The following CPA6 variants were observed in gnomAD, a reference collection of about 807,000 sequenced individuals.
CPA6 encodes carboxypeptidase A6.
CPA6 carries 58 observed loss-of-function variants against 63.3 expected under a neutral mutation model. The ratio of observed to expected loss-of-function variants is 0.92; its 90% CI spans 0.74 to 1.14. The LOEUF (loss-of-function observed/expected upper bound fraction) is 1.14. CPA6 is among the 50% of genes most tolerant of loss of function. The pLI is 0.00. For synonymous variants in CPA6, 185 were observed against 179.0 expected (o/e 1.03, Z -0.27); for missense variants, 565 against 526.6 (o/e 1.07, Z -0.71).
chr8:67,521,953 A>G (rs991224625), intron 2 of CPA6, among the ~76,000 whole-genome samples: 4 of 152,114 alleles, frequency 2.6e-5, no homozygotes, highest in Admixed American at 2.6e-4. Flanking sequence ...GATGATAATT[A>G]TATCTTCCTT....
intron 2 of CPA6, among the ~76,000 whole-genome samples, chr8:67,559,715 T>C (rs573534180): frequency 2.0e-5 from 3 of 152,190 alleles, no homozygotes; most frequent in African/African-American, 7.2e-5. Context: ...GTATAAAACC[T>C]TTCCATATCA....
At chr8:67,428,837 G>A (rs759711472) in intron 9 of CPA6, among the ~76,000 whole-genome samples, 6 of 152,070 alleles carry the variant, frequency 3.9e-5, no homozygotes, top group East Asian at 3.8e-4. Context: ...GGACCATGTC[G>A]GTCTCAGTCA....
At position 67,463,806 on chromosome 8, in the gene CPA6, A is replaced by G. The variant is rs559058542; in HGVS notation, c.838+19962T>C. Among the ~76,000 whole-genome samples the G allele has an allele frequency of 1.1e-4, 16 of 152,328 alleles. No homozygotes were observed. The South Asian group carries it at 1.2e-3, about 12-fold the overall frequency. On this transcript the variant is annotated intron_variant, in intron 8 of 10. Coordinates refer to ENST00000297770, the MANE Select transcript of CPA6 (RefSeq NM_020361.5). ...TTTCTGTTCCTGCATTAATTTGCTT[A>G]GGATAATGGCCTCCAACCTAATCCA...
At chr8:67,436,500 A>C (rs1810159756) in intron 8 of CPA6, among the ~76,000 whole-genome samples, 2 of 152,134 alleles carry the variant, frequency 1.3e-5, no homozygotes, top group South Asian at 4.1e-4. Context: ...ACAAATATTG[A>C]TATAGCAAGA....
intron 1 of CPA6, among the ~76,000 whole-genome samples, chr8:67,713,141 T>TA (rs1817308016): frequency 8.7e-5 from 6 of 68,902 alleles, no homozygotes; most frequent in South Asian, 6.2e-4. Flanking sequence ...ATATATATAT[T>TA]AACAGGGTTC....
At chr8:67,480,030 G>A (rs1251093800) in intron 8 of CPA6, among the ~76,000 whole-genome samples, 5 of 151,708 alleles carry the variant, frequency 3.3e-5, no homozygotes, top group African/African-American at 1.2e-4. Flanking sequence ...ATATAGAGAG[G>A]GGCACATGTG....
At chr8:67,706,159 T>A (rs2128999505) in intron 1 of CPA6, among the ~76,000 whole-genome samples, 1 of 152,330 alleles carries the variant, frequency 6.6e-6, no homozygotes, top group Admixed American at 6.5e-5. Context: ...TTATTAGGCC[T>A]ACTAAATGCT....
chr8:67,742,887 AATTT>A (rs906456569), intron 1 of CPA6, among the ~76,000 whole-genome samples: 3 of 152,024 alleles, frequency 2.0e-5, no homozygotes, highest in African/African-American at 7.3e-5. Context: ...ATTTTGCCAG[AATTT>A]ATTGTTACTG....
chr8:67,616,103 C>T (rs536481441), intron 2 of CPA6, among the ~76,000 whole-genome samples: 2 of 152,294 alleles, frequency 1.3e-5, no homozygotes, highest in South Asian at 4.1e-4. Context: ...TTGGCTACAT[C>T]CATAATCCCC....
intron 1 of CPA6, among the ~76,000 whole-genome samples, chr8:67,733,310 G>A (rs1234643748): frequency 4.0e-5 from 6 of 151,766 alleles, no homozygotes; most frequent in Admixed American, 2.0e-4. Context: ...TTGGGAGGGG[G>A]AGGTGGCCTG....
At chr8:67,443,983 C>T (rs2128954349) in intron 8 of CPA6, among the ~76,000 whole-genome samples, 1 of 150,006 alleles carries the variant, frequency 6.7e-6, no homozygotes, top group African/African-American at 2.5e-5. Context: ...CCAACTTAGA[C>T]ATCCGTAGTT....
intron 6 of CPA6, among the ~76,000 whole-genome samples, chr8:67,500,249 A>T (rs1396479998): frequency 6.6e-6 from 1 of 152,128 alleles, no homozygotes; most frequent in Admixed American, 6.5e-5. Context: ...AGCCACTCAG[A>T]TAGGTGTGCA....
At chr8:67,471,708 T>TAG (rs1811063181) in intron 8 of CPA6, among the ~76,000 whole-genome samples, 1 of 152,222 alleles carries the variant, frequency 6.6e-6, no homozygotes, top group Admixed American at 6.5e-5. Flanking sequence ...AAGAATATCA[T>TAG]CATTTACCTA....
intron 1 of CPA6, among the ~76,000 whole-genome samples, chr8:67,668,931 T>G (rs1431729426): frequency 6.6e-6 from 1 of 152,064 alleles, no homozygotes; most frequent in African/African-American, 2.4e-5. Context: ...AAGGCTTGAA[T>G]GAGAGGTGGA....
At chr8:67,610,064 A>AAAAC (rs1814764931) in intron 2 of CPA6, among the ~76,000 whole-genome samples, 1 of 139,468 alleles carries the variant, frequency 7.2e-6, no homozygotes, top group South Asian at 2.3e-4. Context: ...CAAAACAAAA[A>AAAAC]CCCCCCAAAA....
At chr8:67,507,994 G>T (rs1811964966) in intron 5 of CPA6, among the ~76,000 whole-genome samples, 1 of 147,122 alleles carries the variant, frequency 6.8e-6, no homozygotes, top group South Asian at 2.2e-4. Flanking sequence ...ATTCTATGGG[G>T]TGCTTTGTGT....
intron 1 of CPA6, among the ~76,000 whole-genome samples, chr8:67,632,148 CTGTGTGTG>C (rs35463897): frequency 0.013 from 1,911 of 147,838 alleles, 13 homozygotes; most frequent in Non-Finnish European, 0.018. Context: ...AAAAATGATG[CTGTGTGTG>C]TGTGTGTGTG....
chr8:67,707,255 T>A (rs982269646), intron 1 of CPA6, among the ~76,000 whole-genome samples: 1 of 152,214 alleles, frequency 6.6e-6, no homozygotes, highest in African/African-American at 2.4e-5. Flanking sequence ...GAAACATTCA[T>A]GAATACCAAG....
chr8:67,511,656 C>T lies in CPA6; in HGVS notation c.318-1G>A. ...TTTCTGAAGATCTTCTATGAGGACC[C>T]TGAATTTGGAATGACAGACATGATG... On this transcript the variant is annotated splice_acceptor_variant, in intron 3 of 10. Transcript: ENST00000297770. LOFTEE classifies it high-confidence loss of function. 1 of 1,566,988 alleles carries T rather than the reference C, an allele frequency of 6.4e-7. No individual in the cohort carries two copies. The highest frequency in any genetic ancestry group is 8.8e-7 in the Non-Finnish European group (1 of 1,137,938).
Sources: gnomAD v4.1 joint callset for allele counts (sites outside exome capture counted in the v4.1 genomes callset) on GRCh38, gnomAD v4.1.1 for gene constraint, MANE v1.5 for transcripts, NCBI Gene and HGNC (gene_info 2026-07-23, HGNC 2026-07-21) for gene names.